Variants in HERC6 observed in about 807,000 individuals in gnomAD.
HERC6 encodes the protein HECT and RLD domain containing E3 ubiquitin protein ligase family member 6, also known as probable E3 ubiquitin-protein ligase HERC6.
HERC6 carries 101 observed loss-of-function variants against 114.5 expected under a neutral mutation model. That is an observed-to-expected ratio of 0.88 (90% CI 0.75 to 1.04). The LOEUF (loss-of-function observed/expected upper bound fraction) is 1.04. HERC6 is among the 50% of genes least tolerant of loss of function. HERC6 has a pLI of 0.00. For synonymous variants in HERC6, 408 were observed against 436.2 expected (o/e 0.94, Z 0.81); for missense variants, 1,133 against 1,230.9 (o/e 0.92, Z 1.19).
rs370593928 is a variant in HERC6, at chr4:88,436,952, C to T, written c.2465C>T (p.Ala822Val). 91 of 1,604,680 alleles carry T rather than the reference C, an allele frequency of 5.7e-5. No homozygotes were observed. The highest frequency in any genetic ancestry group is 7.9e-5 in the South Asian group (7 of 89,104). Reference protein sequence around the residue: ...LDDAADDIGDALCIRFSIHWD... With the variant: ...LDDAADDIGDVLCIRFSIHWD... ...GATGCTGCTGATGACATTGGAGATG[C>T]GCTCTGCATACGCTTTTCTGTGAGT... is the stretch of plus-strand genomic sequence containing the variant. Residue 822 changes from alanine (A) to valine (V), a missense_variant, in exon 19 of 23, where the codon GCG (alanine) becomes GTG (valine). Physicochemically the swap from Ala to Val is moderately conservative, Grantham distance 64. Coordinates refer to ENST00000264346, the MANE Select transcript of HERC6 (RefSeq NM_017912.4).
At chr4:88,433,453 G>C (rs1422398866) in intron 17 of HERC6, among the ~76,000 whole-genome samples, 1 of 152,196 alleles carries the variant, frequency 6.6e-6, no homozygotes, top group African/African-American at 2.4e-5. Flanking sequence ...TGGGTCATGA[G>C]AGTTCTGCCC....
At chr4:88,397,338 C>T (rs1213245647) in intron 7 of HERC6, among the ~76,000 whole-genome samples, 1 of 151,914 alleles carries the variant, frequency 6.6e-6, no homozygotes, top group East Asian at 1.9e-4. Flanking sequence ...TCTTGAACTC[C>T]TGACCTCAGG....
chr4:88,380,739 T>C (rs539290018), intron 1 of HERC6, among the ~76,000 whole-genome samples: 82 of 150,486 alleles, frequency 5.4e-4, no homozygotes, highest in African/African-American at 1.9e-3. Context: ...ATAATAAATA[T>C]ATATATTATA....
intron 16 of HERC6, among the ~76,000 whole-genome samples, chr4:88,430,330 C>T (rs982262866): frequency 6.6e-6 from 1 of 151,874 alleles, no homozygotes; most frequent in East Asian, 1.9e-4. Context: ...GTGGCTCACA[C>T]CTGTAATCCC....
In HERC6 at chr4:88,439,911, A is replaced by G. The variant is rs1234639841; in HGVS notation, c.2593A>G (p.Asn865Asp). Reference protein sequence around the residue: ...YVSKYIDYIFNVSVKAVYEEF... With the variant: ...YVSKYIDYIFDVSVKAVYEEF... ...TTCTAAGTATATTGATTACATTTTC[A>G]ACGTCTCTGTAAAAGCAGTTTATGA... Residue 865 changes from asparagine to aspartate, a missense_variant, in exon 21 of 23, where the codon AAC becomes GAC. Asn to Asp is a conservative substitution (Grantham distance 23). This residue lies in a region of HERC6 where 388 missense variants were observed against 445.9 expected (regional missense o/e 0.87). Coordinates refer to ENST00000264346, the MANE Select transcript of HERC6 (RefSeq NM_017912.4). 6.3e-7 allele frequency: 1 copy of G among 1,580,758 alleles called. No individual in the cohort carries two copies. Among genetic ancestry groups the G allele is most frequent in the South Asian group, 1.2e-5 (1 of 86,232 alleles).
chr4:88,437,587 A>T, intron 19 of HERC6, 124 bp from the exon 20 acceptor site: 1 of 667,922 alleles, frequency 1.5e-6, no homozygotes, highest in Non-Finnish European at 2.6e-6. Context: ...TACATAAAAA[A>T]TTATTTAGCT....
intron 15 of HERC6, among the ~76,000 whole-genome samples, chr4:88,424,970 A>G (rs183406622): frequency 6.6e-6 from 1 of 152,336 alleles, no homozygotes; most frequent in African/African-American, 2.4e-5. Flanking sequence ...TGAGTGGTTC[A>G]AGTGGCAACC....
intron 13 of HERC6, among the ~76,000 whole-genome samples, chr4:88,418,705 T>C (rs1242444521): frequency 1.3e-5 from 2 of 152,142 alleles, no homozygotes; most frequent in African/African-American, 4.8e-5. Context: ...CCCATCACAC[T>C]ACACATGTGT....
chr4:88,402,302 G>A (rs755205307), intron 8 of HERC6, among the ~76,000 whole-genome samples: 2 of 152,176 alleles, frequency 1.3e-5, no homozygotes, highest in Non-Finnish European at 2.9e-5. Context: ...GTGATTTCAT[G>A]CTCCGGGAAA....
intron 3 of HERC6, among the ~76,000 whole-genome samples, chr4:88,386,357 C>G (rs2110233425): frequency 6.6e-6 from 1 of 152,062 alleles, no homozygotes; most frequent in South Asian, 2.1e-4. Context: ...AGGTGTGCGC[C>G]ACCATGCCCG....
chr4:88,401,844 T>C (rs1735562471), intron 8 of HERC6, among the ~76,000 whole-genome samples: 1 of 152,224 alleles, frequency 6.6e-6, no homozygotes, highest in South Asian at 2.1e-4. Context: ...ACGTGCCCAT[T>C]TGAAATCTGT....
Position 88,383,317 on chromosome 4 carries a change from G to A in HERC6, c.296G>A (p.Trp99Ter), listed in dbSNP as rs1185506418. 1.9e-6 allele frequency: 3 copies of A among 1,572,128 alleles called. No individual in the cohort carries two copies. Among genetic ancestry groups the A allele is most frequent in the Admixed American group, 3.9e-5 (2 of 51,602 alleles). The change falls in exon 2 of 23, where the codon TGG becomes TAG. Residue 99 changes from tryptophan to a stop codon, truncating the protein, a stop_gained. Transcript: ENST00000264346. LOFTEE classifies it high-confidence loss of function. ...AVCHKGRVFAWGAGSEGQLGI... is the reference protein window; with the variant it reads ...AVCHKGRVFA ...TGCCACAAAGGAAGGGTCTTCGCATGGGGAGCTGGTTCTGAAGGGCAGCTG... is the reference window on the plus strand; with the variant it reads ...TGCCACAAAGGAAGGGTCTTCGCATAGGGAGCTGGTTCTGAAGGGCAGCTG...
intron 8 of HERC6, among the ~76,000 whole-genome samples, chr4:88,401,014 C>G (rs67995228): frequency 0.39 from 59,231 of 151,840 alleles, 14,926 homozygotes; most frequent in African/African-American, 0.68. Context: ...CAAGTAAGAC[C>G]AGTGCATAGT....
At chr4:88,407,344 G>A (rs1735862948) in intron 10 of HERC6, among the ~76,000 whole-genome samples, 1 of 152,120 alleles carries the variant, frequency 6.6e-6, no homozygotes, top group Admixed American at 6.5e-5. Context: ...GCCTCCCAAA[G>A]TGCTGGGATT....
chr4:88,380,485 G>A (rs1486110972), intron 1 of HERC6, among the ~76,000 whole-genome samples: 3 of 134,326 alleles, frequency 2.2e-5, no homozygotes, highest in African/African-American at 5.6e-5. Context: ...TTGGGAGGCC[G>A]AGGCGGGCGG....
intron 11 of HERC6, among the ~76,000 whole-genome samples, chr4:88,411,427 A>G (rs973922235): frequency 1.3e-5 from 2 of 152,120 alleles, no homozygotes; most frequent in Non-Finnish European, 2.9e-5. Flanking sequence ...TTGTGATGCT[A>G]TTTTCTGGCA....
In HERC6 at chr4:88,442,460, A is replaced by G; in HGVS notation, c.3069A>G (p.Ter1023=). 1 of 1,611,278 alleles carries G rather than the reference A, an allele frequency of 6.2e-7. No homozygotes were observed. The highest frequency in any genetic ancestry group is 1.1e-5 in the South Asian group (1 of 90,812). The change falls in exon 23 of 23, where the codon TAA becomes TAG. Residue 1023 remains the stop codon, a stop_retained_variant. Transcript: ENST00000264346. ...GFVSPMLTQS[*] is the part of the protein sequence containing the mutation. ...TCTCACCCATGCTCACACAGTCATA[A>G]TCACCTCTGAGAGACTCAGGGTGGG...
In HERC6 at chr4:88,390,640, T is replaced by C; in HGVS notation, c.437-12T>C. ...TATGTGTACAATTCTTAATTTCTCG[T>C]CTTTGTTGTAGATAGCCAAGTGTTT... is the stretch of plus-strand genomic sequence containing the variant. On this transcript the variant is annotated splice_polypyrimidine_tract_variant and intron_variant, in intron 3 of 22. Transcript: ENST00000264346. 6.3e-7 allele frequency: 1 copy of C among 1,582,428 alleles called. No individual in the cohort carries two copies.
chr4:88,408,645 A>G, intron 11 of HERC6, 28 bp downstream of exon 11: 1 of 1,369,308 alleles, frequency 7.3e-7, no homozygotes, highest in Non-Finnish European at 1.0e-6. Context: ...CTTTAGATAT[A>G]GAACAAATAC....
Sources: gnomAD v4.1 joint callset for allele counts (sites outside exome capture counted in the v4.1 genomes callset) on GRCh38, gnomAD v4.1.1 for gene constraint, gnomAD v4.1.1 regional missense constraint, MANE v1.5 for transcripts, NCBI Gene and HGNC (gene_info 2026-07-23, HGNC 2026-07-21) for gene names.